The following PCYOX1 variants were observed in gnomAD, a reference collection of about 807,000 sequenced individuals.
The protein encoded by PCYOX1 is prenylcysteine oxidase 1, also known as prenylcysteine lyase.
A neutral mutation model predicts 46.4 loss-of-function variants in PCYOX1; 46 were observed. The ratio of observed to expected loss-of-function variants is 0.99; its 90% CI spans 0.78 to 1.27. The LOEUF is 1.27. Among genes scored for constraint, PCYOX1 ranks in the 50% most tolerant of loss-of-function variants. The pLI, the probability that PCYOX1 is intolerant of heterozygous loss-of-function variation, is 0.00. For missense variants in PCYOX1, 658 were observed against 628.3 expected (o/e 1.05, Z -0.51); for synonymous variants, 220 against 231.8 (o/e 0.95, Z 0.46).
intron 2 of PCYOX1, among the ~76,000 whole-genome samples, chr2:70,260,617 C>G (rs1696422046): frequency 1.3e-5 from 2 of 152,228 alleles, no homozygotes; most frequent in Admixed American, 1.3e-4. Flanking sequence ...TTGGGATGTG[C>G]AACTGCTGCC....
chr2:70,259,487 G>T lies in PCYOX1; in HGVS notation c.240G>T (p.Val80=). 3.1e-6 allele frequency: 5 copies of T among 1,614,100 alleles called. No homozygotes were observed. The highest frequency in any genetic ancestry group is 3.4e-6 in the Non-Finnish European group (4 of 1,180,000). The part of the protein sequence containing the change: ...EVGGRLATMM[V]QGQEYEAGGS... ...GGGGCCGCCTGGCTACCATGATGGT[G>T]CAGGGGCAAGAATACGAGGCAGGAG... The change falls in exon 2 of 6, where the codon GTG becomes GTT. Residue 80 remains valine, a synonymous_variant. Coordinates refer to ENST00000433351, the MANE Select transcript of PCYOX1 (RefSeq NM_016297.4).
intron 2 of PCYOX1, among the ~76,000 whole-genome samples, chr2:70,260,589 CAG>C (rs1300817215): frequency 3.9e-5 from 6 of 152,288 alleles, no homozygotes; most frequent in South Asian, 2.1e-4. Flanking sequence ...GCTGTGGATG[CAG>C]ACACGTGCCT....
intron 3 of PCYOX1, among the ~76,000 whole-genome samples, chr2:70,268,774 C>A (rs1271104534): frequency 6.8e-6 from 1 of 147,314 alleles, no homozygotes; most frequent in Non-Finnish European, 1.5e-5. Flanking sequence ...GGGCAACAAG[C>A]GTGAAACTCT....
intron 3 of PCYOX1, among the ~76,000 whole-genome samples, chr2:70,265,743 A>T (rs1180862963): frequency 1.3e-5 from 2 of 152,094 alleles, no homozygotes; most frequent in Non-Finnish European, 2.9e-5. Context: ...GACTAGGTTA[A>T]AGCTTATTCT....
intron 1 of PCYOX1, 74 bp downstream of exon 1, chr2:70,258,350 C>G: frequency 2.2e-6 from 2 of 922,236 alleles, no homozygotes; most frequent in Non-Finnish European, 3.1e-6. Context: ...GCAGTGCGCC[C>G]AGATCCCACA....
At chr2:70,259,607 G>T in intron 2 of PCYOX1, 41 bp downstream of exon 2, 1 of 1,370,378 alleles carries the variant, frequency 7.3e-7, no homozygotes, top group African/African-American at 1.4e-5. Flanking sequence ...ATTACTGTGT[G>T]ACATCCCCGG....
chr2:70,275,108 A>C lies in PCYOX1; in HGVS notation c.644A>C (p.Glu215Ala), dbSNP rs765234614. 1.2e-6 allele frequency: 2 copies of C among 1,614,200 alleles called. No individual in the cohort carries two copies. The highest frequency in any genetic ancestry group is 2.2e-5 in the South Asian group (2 of 91,086). The stretch of plus-strand genomic sequence containing the variant: ...GGCTTTTCTGAGAAGTTCCTCAATG[A>C]AATGATTGCTCCTGTTATGAGGGTC... ...KAGFSEKFLN[E>A]MIAPVMRVNY... The change falls in exon 4 of 6, where the codon GAA becomes GCA. Residue 215 changes from glutamate (E) to alanine (A), a missense_variant. Coordinates refer to ENST00000433351, the MANE Select transcript of PCYOX1 (RefSeq NM_016297.4).
intron 3 of PCYOX1, among the ~76,000 whole-genome samples, chr2:70,268,579 C>T (rs1012230065): frequency 1.3e-5 from 2 of 152,028 alleles, no homozygotes; most frequent in South Asian, 4.1e-4. Context: ...GGGCAGATCA[C>T]CTGAGGTTGG....
chr2:70,258,054 G>C (rs1419044899), upstream of PCYOX1: 1 of 806,448 alleles, frequency 1.2e-6, no homozygotes, highest in Non-Finnish European at 1.8e-6. Flanking sequence ...GACCTGGGCG[G>C]GGCTCGCAGG....
Position 70,274,975 on chromosome 2 carries a change from T to G in PCYOX1, c.511T>G (p.Ser171Ala). 4 of 1,604,318 alleles carry G rather than the reference T, an allele frequency of 2.5e-6. No individual in the cohort carries two copies. The highest frequency in any genetic ancestry group is 2.6e-6 in the Non-Finnish European group (3 of 1,170,986). Residue 171 changes from serine (S) to alanine (A), a missense_variant, in exon 4 of 6, where the codon TCT (serine) becomes GCT (alanine). By Grantham distance (99) the Ser-to-Ala change is moderately conservative. Coordinates refer to ENST00000433351, the MANE Select transcript of PCYOX1 (RefSeq NM_016297.4). ...TTTCCAAAGGATCTACCGCTACCAGTCTCATGACTATGCCTTCAGTAGTGT... is the reference window on the plus strand; with the variant it reads ...TTTCCAAAGGATCTACCGCTACCAGGCTCATGACTATGCCTTCAGTAGTGT... ...DKFMRIYRYQ[S>A]HDYAFSSVEK... is the part of the protein sequence containing the mutation.
In PCYOX1 at chr2:70,280,528, A is replaced by G. The variant is rs1181305132; in HGVS notation, c.*3136A>G. The G allele has an allele frequency of 6.6e-6, 1 of 152,226 alleles. No homozygotes were observed. The highest frequency in any genetic ancestry group is 1.9e-4 in the East Asian group (1 of 5,198). 9.4% of individuals were successfully genotyped at this position (152,226 alleles called of 1,614,324 possible). The stretch of plus-strand genomic sequence containing the variant: ...TTATTCAATAAGTTTGTTATGGGAT[A>G]TAAGAAGATGCATTTTATTAAGTTC... On this transcript the variant is annotated 3_prime_UTR_variant, in exon 6 of 6. Coordinates refer to ENST00000433351, the MANE Select transcript of PCYOX1 (RefSeq NM_016297.4).
chr2:70,259,270 AC>A, intron 1 of PCYOX1, 89 bp from the exon 2 acceptor site: 1 of 1,172,718 alleles, frequency 8.5e-7, no homozygotes, highest in Non-Finnish European at 1.3e-6. Flanking sequence ...TTGAGTAACA[AC>A]CTCTGCTATT....
Position 70,267,596 on chromosome 2 carries a change from C to T in PCYOX1, c.494+6210C>T, listed in dbSNP as rs181178872. On this transcript the variant is annotated intron_variant, in intron 3 of 5. Transcript: ENST00000433351. ...CATGGTCAGGAACTGGAGACCAGCC[C>T]GGCCAACACGGTGAAACCCCGTCTC... Among the ~76,000 whole-genome samples, 633 of 152,212 alleles carry T rather than the reference C, an allele frequency of 4.2e-3. 5 individuals are homozygous for T. Among genetic ancestry groups the T allele is most frequent in the Non-Finnish European group, 6.5e-3 (442 of 68,010 alleles).
intron 5 of PCYOX1, among the ~76,000 whole-genome samples, chr2:70,276,363 C>T (rs1223620244): frequency 9.2e-5 from 14 of 151,924 alleles, no homozygotes; most frequent in East Asian, 5.9e-4. Context: ...CCTGCCACCG[C>T]GCTCGGCTAA....
In PCYOX1 at chr2:70,278,456, G is replaced by A. The variant is rs886184973; in HGVS notation, c.*1064G>A. 6.6e-5 allele frequency: 10 copies of A among 152,576 alleles called. No homozygotes were observed. Among genetic ancestry groups the A allele is most frequent in the African/African-American group, 2.2e-4 (9 of 41,432 alleles). 9.5% of individuals were successfully genotyped at this position (152,576 alleles called of 1,614,324 possible). A position where few individuals can be genotyped will look rare whatever the true frequency, so the allele number is the denominator to read the frequency against. ...GGATCTTTCTTTTAGAACTTTCTCAGTTCTCTTAGTAAGAACTTTAGAAGT... is the reference window on the plus strand; with the variant it reads ...GGATCTTTCTTTTAGAACTTTCTCAATTCTCTTAGTAAGAACTTTAGAAGT... On this transcript the variant is annotated 3_prime_UTR_variant, in exon 6 of 6. Coordinates refer to ENST00000433351, the MANE Select transcript of PCYOX1 (RefSeq NM_016297.4).
intron 3 of PCYOX1, among the ~76,000 whole-genome samples, chr2:70,265,976 C>G (rs1449182968): frequency 1.3e-5 from 2 of 152,148 alleles, no homozygotes; most frequent in Non-Finnish European, 2.9e-5. Flanking sequence ...CTACTTCTCT[C>G]CAGGATTACT....
intron 3 of PCYOX1, among the ~76,000 whole-genome samples, chr2:70,268,791 GAAA>G (rs762845553): frequency 2.8e-5 from 3 of 108,202 alleles, no homozygotes; most frequent in Non-Finnish European, 5.9e-5. Flanking sequence ...CTCTGTCTCA[GAAA>G]AAAAAAAAAA....
At position 70,270,488 on chromosome 2, in the gene PCYOX1, C is replaced by T. The variant is rs370459413; in HGVS notation, c.495-4471C>T. On this transcript the variant is annotated intron_variant, in intron 3 of 5. Transcript: ENST00000433351. ...AGTAACATTTCTGGCTGTACCACTC[C>T]CGGTTCTCCCATATCACTCTGCTTC... is the stretch of plus-strand genomic sequence containing the variant. 7.2e-5 allele frequency among the ~76,000 whole-genome samples: 11 copies of T among 152,322 alleles called. No individual in the cohort carries two copies. In the East Asian group the frequency reaches 1.9e-3, roughly 27 times the overall value.
At chr2:70,270,874 T>C (rs1420770904) in intron 3 of PCYOX1, among the ~76,000 whole-genome samples, 1 of 151,938 alleles carries the variant, frequency 6.6e-6, no homozygotes, top group Non-Finnish European at 1.5e-5. Context: ...ACTGTGCCAC[T>C]GCACCACTAC....
Sources: gnomAD v4.1 joint callset for allele counts (sites outside exome capture counted in the v4.1 genomes callset) on GRCh38, gnomAD v4.1.1 for gene constraint, MANE v1.5 for transcripts, NCBI Gene and HGNC (gene_info 2026-07-23, HGNC 2026-07-21) for gene names.